REPS1: variants seen among roughly 807,000 people sequenced by gnomAD.
The protein encoded by REPS1 is ralBP1-associated Eps domain-containing protein 1.
A neutral mutation model predicts 100.9 loss-of-function variants in REPS1; 39 were observed. The ratio of observed to expected loss-of-function variants is 0.39; its 90% CI spans 0.30 to 0.50. The LOEUF is 0.50. Ranked by LOEUF, REPS1 falls within the 20% of genes least tolerant of loss-of-function variation. REPS1 has a pLI of 0.86. For missense variants in REPS1, 821 were observed against 968.5 expected (o/e 0.85, Z 2.02); for synonymous variants, 324 against 340.3 (o/e 0.95, Z 0.53).
chr6:138,926,698 T>C, intron 9 of REPS1: 1 of 499,474 alleles, frequency 2.0e-6, no homozygotes, highest in Non-Finnish European at 3.6e-6. Context: ...AGTATAGTAA[T>C]GATTTATTGC....
In REPS1 at chr6:138,987,753, G is replaced by A; in HGVS notation, c.-71C>T. ...GGGCCCGGCCCCAGGAACCTGGGCCGGCAGGGGCTGCGCGTGGCCCGGCCT... is the reference window on the plus strand; with the variant it reads ...GGGCCCGGCCCCAGGAACCTGGGCCAGCAGGGGCTGCGCGTGGCCCGGCCT... On this transcript the variant is annotated 5_prime_UTR_variant, in exon 1 of 20. Transcript: ENST00000450536. The A allele has an allele frequency of 7.0e-7, 1 of 1,423,272 alleles. No individual in the cohort carries two copies. Among genetic ancestry groups the A allele is most frequent in the Non-Finnish European group, 9.2e-7 (1 of 1,086,766 alleles). 88.2% of individuals were successfully genotyped at this position (1,423,272 alleles called of 1,614,324 possible).
At chr6:138,959,096 T>C (rs1477644164) in intron 1 of REPS1, among the ~76,000 whole-genome samples, 1 of 152,208 alleles carries the variant, frequency 6.6e-6, no homozygotes, top group African/African-American at 2.4e-5. Flanking sequence ...CCTGGTCTTT[T>C]TGCCAGGATA....
intron 9 of REPS1, chr6:138,928,253 T>C (rs1165710533): frequency 6.6e-6 from 1 of 152,196 alleles, no homozygotes; most frequent in Non-Finnish European, 1.5e-5. Context: ...TTTGTATTGT[T>C]TTTTAAACAG....
Position 138,966,871 on chromosome 6 carries a change from T to C in REPS1, c.154-18958A>G, listed in dbSNP as rs924077290. On this transcript the variant is annotated intron_variant, in intron 1 of 19. Coordinates refer to ENST00000450536, the MANE Select transcript of REPS1 (RefSeq NM_001286611.2). ...TGAATGCAAATTTCCTTACATTTCA[T>C]ATAACTACAATACAAACTACCTGCT... 2.0e-5 allele frequency among the ~76,000 whole-genome samples: 3 copies of C among 152,332 alleles called. No individual in the cohort carries two copies. The South Asian group carries it at 6.2e-4, about 32-fold the overall frequency.
At chr6:138,949,426 T>G (rs1312774432) in intron 1 of REPS1, among the ~76,000 whole-genome samples, 1 of 152,196 alleles carries the variant, frequency 6.6e-6, no homozygotes, top group Non-Finnish European at 1.5e-5. Flanking sequence ...TCTTTACTCA[T>G]TTTAAGAAGT....
intron 1 of REPS1, among the ~76,000 whole-genome samples, chr6:138,961,431 G>A (rs188475701): frequency 6.4e-4 from 98 of 152,048 alleles, no homozygotes; most frequent in African/African-American, 2.1e-3. Flanking sequence ...TAGAGACGGG[G>A]ATCCAGGATG....
intron 10 of REPS1, among the ~76,000 whole-genome samples, chr6:138,921,602 A>T (rs1354079635): frequency 3.1e-5 from 3 of 97,060 alleles, no homozygotes; most frequent in South Asian, 3.8e-4. Context: ...TTTGAGATGG[A>T]GTCTCGCTCT....
At chr6:138,915,725 G>T in intron 14 of REPS1, 133 bp downstream of exon 14, 1 of 660,270 alleles carries the variant, frequency 1.5e-6, no homozygotes, top group Non-Finnish European at 2.5e-6. Context: ...GGGATTACAG[G>T]CATGAGCAAC....
At chr6:138,970,208 C>G (rs184526076) in intron 1 of REPS1, among the ~76,000 whole-genome samples, 1 of 151,774 alleles carries the variant, frequency 6.6e-6, no homozygotes. Flanking sequence ...CAGAAAAGAA[C>G]GATTGGCTAA....
At chr6:138,957,857 T>C (rs770931568) in intron 1 of REPS1, among the ~76,000 whole-genome samples, 1 of 152,252 alleles carries the variant, frequency 6.6e-6, no homozygotes, top group Non-Finnish European at 1.5e-5. Context: ...ATGAATATTT[T>C]TGGTTCATTT....
At chr6:138,930,944 C>T (rs1423141014) in intron 8 of REPS1, among the ~76,000 whole-genome samples, 2 of 152,124 alleles carry the variant, frequency 1.3e-5, no homozygotes, top group South Asian at 2.1e-4. Context: ...CATAGTTAAG[C>T]TTAATTTAAA....
chr6:138,986,868 G>C (rs143180530), intron 1 of REPS1, among the ~76,000 whole-genome samples: 30 of 152,276 alleles, frequency 2.0e-4, no homozygotes, highest in African/African-American at 6.0e-4. Context: ...CCTACCAGCT[G>C]TTCAATACTC....
chr6:138,959,276 C>T (rs193084922), intron 1 of REPS1, among the ~76,000 whole-genome samples: 56 of 152,218 alleles, frequency 3.7e-4, no homozygotes, highest in Admixed American at 1.4e-3. Context: ...TAAAGGTACA[C>T]GGAAGCTACT....
chr6:138,969,019 C>A (rs1184606663), intron 1 of REPS1, among the ~76,000 whole-genome samples: 2 of 152,132 alleles, frequency 1.3e-5, no homozygotes, highest in African/African-American at 4.8e-5. Flanking sequence ...AAGTACACAC[C>A]CGTATCTGCA....
intron 1 of REPS1, among the ~76,000 whole-genome samples, chr6:138,968,298 C>T (rs969910470): frequency 3.9e-5 from 6 of 152,152 alleles, no homozygotes; most frequent in Non-Finnish European, 1.5e-5. Flanking sequence ...ATAAAAGTGA[C>T]AATGATGAAA....
In REPS1 at chr6:138,987,835, G is replaced by T; in HGVS notation, c.-153C>A. On this transcript the variant is annotated 5_prime_UTR_variant, in exon 1 of 20. Transcript: ENST00000450536. ...CCTCACACGCGCCAGGTGCGCCCGA[G>T]CAACAGGGCCCGGAGGTCGCGAGGA... 1 of 917,906 alleles carries T rather than the reference G, an allele frequency of 1.1e-6. No individual in the cohort carries two copies. Among genetic ancestry groups the T allele is most frequent in the Non-Finnish European group, 1.5e-6 (1 of 689,076 alleles). 56.9% of individuals were successfully genotyped at this position (917,906 alleles called of 1,614,324 possible).
chr6:138,987,743 A>T lies in REPS1; in HGVS notation c.-61T>A. 1.4e-6 allele frequency: 2 copies of T among 1,439,218 alleles called. No homozygotes were observed. Among genetic ancestry groups the T allele is most frequent in the South Asian group, 2.9e-5 (2 of 69,058 alleles). The allele number at this position is 1,439,218 out of a possible 1,614,324, so 89.2% of individuals were successfully genotyped here. On this transcript the variant is annotated 5_prime_UTR_variant, in exon 1 of 20. Coordinates refer to ENST00000450536, the MANE Select transcript of REPS1 (RefSeq NM_001286611.2). ...GCACTACTCGGGGCCCGGCCCCAGG[A>T]ACCTGGGCCGGCAGGGGCTGCGCGT...
intron 2 of REPS1, among the ~76,000 whole-genome samples, chr6:138,946,443 G>A (rs1782619546): frequency 6.6e-6 from 1 of 152,130 alleles, no homozygotes; most frequent in East Asian, 1.9e-4. Context: ...CATTTCAGAG[G>A]AAAGCGTACT....
At chr6:138,947,726 T>C (rs1159219100) in intron 2 of REPS1, 64 bp downstream of exon 2, 3 of 1,356,982 alleles carry the variant, frequency 2.2e-6, no homozygotes, top group Admixed American at 5.4e-5. Flanking sequence ...AGAGTTCTAT[T>C]GACTTGACTT....
Sources: allele counts gnomAD v4.1 joint callset (sites outside exome capture counted in the v4.1 genomes callset), GRCh38; gene constraint gnomAD v4.1.1; transcripts MANE v1.5; gene names NCBI Gene and HGNC (gene_info 2026-07-23, HGNC 2026-07-21).